Variants in ATP8A1 observed in about 807,000 individuals in gnomAD.
ATP8A1 encodes phospholipid-transporting ATPase IA.
Under a neutral mutation model 177.7 loss-of-function variants are expected in ATP8A1, and 90 were observed. That is an observed-to-expected ratio of 0.51 (90% CI 0.43 to 0.60). The LOEUF is 0.60. Ranked by LOEUF, ATP8A1 falls within the 20% of genes least tolerant of loss-of-function variation. The pLI is 0.00. For missense variants in ATP8A1, 1,072 were observed against 1,392.8 expected, an observed-to-expected ratio of 0.77 and a Z score of 3.67; for synonymous variants, 493 against 485.9, an observed-to-expected ratio of 1.01 and a Z score of -0.19.
intron 22 of ATP8A1, among the ~76,000 whole-genome samples, chr4:42,520,746 G>A (rs931675364): frequency 6.6e-6 from 1 of 151,854 alleles, no homozygotes; most frequent in African/African-American, 2.4e-5. Context: ...ATATAAGGAG[G>A]AGATATCTAG....
At chr4:42,606,230 A>G (rs747540736) in intron 5 of ATP8A1, among the ~76,000 whole-genome samples, 4 of 152,350 alleles carry the variant, frequency 2.6e-5, no homozygotes, top group Admixed American at 1.3e-4. Context: ...GACTTTACTC[A>G]AGGCAAAGGA....
chr4:42,423,824 C>T, intron 33 of ATP8A1, 119 bp from the exon 34 acceptor site: 1 of 583,928 alleles, frequency 1.7e-6, no homozygotes, highest in South Asian at 2.8e-5. Flanking sequence ...AGAGAGTATA[C>T]AACTCTGAAT....
Position 42,648,291 on chromosome 4 carries a change from T to A in ATP8A1, c.49+8534A>T, listed in dbSNP as rs905908170. ...GCAAATGGGACAGCTAAGAGAATAT[T>A]TTTTGTTATGTTGCAATAAAGGAAT... is the stretch of plus-strand genomic sequence containing the variant. On this transcript the variant is annotated intron_variant, in intron 1 of 36. Transcript: ENST00000381668. 2.0e-5 allele frequency among the ~76,000 whole-genome samples: 3 copies of A among 151,920 alleles called. 1 individual carries two copies. In the South Asian group the frequency reaches 6.2e-4, roughly 32 times the overall value.
intron 33 of ATP8A1, among the ~76,000 whole-genome samples, chr4:42,431,198 GA>G (rs1376837270): frequency 7.9e-5 from 12 of 151,934 alleles, no homozygotes; most frequent in Non-Finnish European, 1.6e-4. Context: ...ATTTAAAGAG[GA>G]AAAAACTTTA....
In ATP8A1 at chr4:42,624,589, G is replaced by A; in HGVS notation, c.310C>T (p.Pro104Ser). 1 of 1,490,426 alleles carries A rather than the reference G, an allele frequency of 6.7e-7. No individual in the cohort carries two copies. The highest frequency in any genetic ancestry group is 8.9e-7 in the Non-Finnish European group (1 of 1,117,782). The allele number at this position is 1,490,426 out of a possible 1,614,324, so 92.3% of individuals were successfully genotyped here. ...GCCACAGCTAAAATAAATAAGAGAG[G>A]AACCAGTGTTGTATAACGACCTGTT... ...SPTGRYTTLVPLLFILAVAAI... is the reference protein window; with the variant it reads ...SPTGRYTTLVSLLFILAVAAI... Residue 104 changes from proline to serine, a missense_variant, in exon 4 of 37, where the codon CCT becomes TCT. By Grantham distance (74) the Pro-to-Ser change is moderately conservative. Around this residue, in one of 5 missense-constraint regions of ATP8A1, gnomAD observed 344 missense variants for 393.5 expected, o/e 0.87. Coordinates refer to ENST00000381668, the MANE Select transcript of ATP8A1 (RefSeq NM_006095.2).
intron 24 of ATP8A1, among the ~76,000 whole-genome samples, chr4:42,500,967 TATC>T (rs1723797600): frequency 6.6e-6 from 1 of 152,192 alleles, no homozygotes; most frequent in African/African-American, 2.4e-5. Flanking sequence ...AGATTTCTAT[TATC>T]ATAATCACTA....
intron 1 of ATP8A1, among the ~76,000 whole-genome samples, chr4:42,642,962 TCAAAAAACATTTGCTTAGCAC>T (rs1740160574): frequency 6.6e-6 from 1 of 152,200 alleles, no homozygotes; most frequent in African/African-American, 2.4e-5. Context: ...AGATGCAGAT[TCAAAAAACATTTGCTTAGCAC>T]CTACTTTATA....
intron 1 of ATP8A1, among the ~76,000 whole-genome samples, chr4:42,655,855 G>C (rs996864425): frequency 2.6e-5 from 4 of 152,216 alleles, no homozygotes; most frequent in African/African-American, 9.6e-5. Context: ...CACATTAAAA[G>C]ATGGAGGTGG....
intron 35 of ATP8A1, among the ~76,000 whole-genome samples, chr4:42,418,021 C>G (rs764766673): frequency 1.3e-5 from 2 of 152,200 alleles, no homozygotes; most frequent in Non-Finnish European, 2.9e-5. Flanking sequence ...TTAAGTCATA[C>G]TGATATAAAA....
At chr4:42,499,350 C>T (rs1195733402) in intron 24 of ATP8A1, among the ~76,000 whole-genome samples, 1 of 152,068 alleles carries the variant, frequency 6.6e-6, no homozygotes, top group East Asian at 1.9e-4. Context: ...CCTGGCAGTA[C>T]AGAAAGGAGG....
chr4:42,524,694 C>T (rs73235594), intron 21 of ATP8A1, 69 bp downstream of exon 21: 17 of 969,572 alleles, frequency 1.8e-5, no homozygotes, highest in Non-Finnish European at 2.5e-5. Context: ...TAATAAGGAT[C>T]CTGCAAGGTA....
intron 33 of ATP8A1, among the ~76,000 whole-genome samples, chr4:42,439,052 CT>C (rs1716325692): frequency 7.6e-5 from 1 of 13,076 alleles, no homozygotes; most frequent in Admixed American, 1.4e-3. Context: ...TTGGAAATGA[CT>C]ATAAAGTCCT....
intron 25 of ATP8A1, among the ~76,000 whole-genome samples, chr4:42,465,576 G>A (rs936491341): frequency 6.6e-6 from 1 of 152,128 alleles, no homozygotes; most frequent in African/African-American, 2.4e-5. Context: ...TAGTTCATGG[G>A]CTTCATTTTC....
intron 5 of ATP8A1, among the ~76,000 whole-genome samples, chr4:42,606,982 T>G (rs1234529200): frequency 1.3e-5 from 2 of 152,228 alleles, no homozygotes; most frequent in African/African-American, 4.8e-5. Context: ...TGATGAGTAT[T>G]TGATATTTAT....
At chr4:42,561,035 T>C (rs898623818) in intron 15 of ATP8A1, among the ~76,000 whole-genome samples, 2 of 152,164 alleles carry the variant, frequency 1.3e-5, no homozygotes, top group African/African-American at 2.4e-5. Flanking sequence ...TTTTCTCATA[T>C]TGCGAGCCAC....
At chr4:42,574,493 C>A (rs189940971) in intron 14 of ATP8A1, 126 bp downstream of exon 14, 14 of 714,748 alleles carry the variant, frequency 2.0e-5, no homozygotes, top group African/African-American at 3.8e-5. Context: ...ATTATAACAG[C>A]TGCTTTTCAG....
chr4:42,492,667 C>CCCACA (rs771438671), intron 24 of ATP8A1, among the ~76,000 whole-genome samples: 42 of 152,148 alleles, frequency 2.8e-4, no homozygotes, highest in Non-Finnish European at 5.7e-4. Flanking sequence ...GTGTTTAAGC[C>CCCACA]CCACAGTCTA....
chr4:42,512,846 C>A (rs553088248), intron 22 of ATP8A1, among the ~76,000 whole-genome samples: 4 of 152,140 alleles, frequency 2.6e-5, no homozygotes, highest in Non-Finnish European at 4.4e-5. Context: ...GGTCTGAGAA[C>A]GTAACTATGA....
chr4:42,443,984 A>G (rs935157384), intron 32 of ATP8A1, among the ~76,000 whole-genome samples: 9 of 152,098 alleles, frequency 5.9e-5, no homozygotes, highest in African/African-American at 2.2e-4. Flanking sequence ...CTTGGTCTGC[A>G]TGCTCTCACC....
Sources: gnomAD v4.1 joint callset for allele counts (sites outside exome capture counted in the v4.1 genomes callset) on GRCh38, gnomAD v4.1.1 for gene constraint, gnomAD v4.1.1 regional missense constraint, MANE v1.5 for transcripts, NCBI Gene and HGNC (gene_info 2026-07-23, HGNC 2026-07-21) for gene names.